NCOA2: variants seen among roughly 807,000 people sequenced by gnomAD.
The protein encoded by NCOA2 is nuclear receptor coactivator 2.
NCOA2 carries 21 observed loss-of-function variants against 145.1 expected under a neutral mutation model. The ratio of observed to expected loss-of-function variants is 0.14; its 90% CI spans 0.10 to 0.21. The LOEUF is 0.21. NCOA2 is among the 10% of genes least tolerant of loss of function. The pLI is 1.00. For synonymous variants in NCOA2, 619 were observed against 637.5 expected (o/e 0.97, Z 0.44); for missense variants, 1,472 against 1,837.6 (o/e 0.80, Z 3.64).
intron 2 of NCOA2, among the ~76,000 whole-genome samples, chr8:70,260,777 C>T (rs554826515): frequency 5.9e-5 from 9 of 152,126 alleles, no homozygotes; most frequent in Non-Finnish European, 1.0e-4. Context: ...GGAATCTATT[C>T]CTTAAAAAAT....
intron 1 of NCOA2, among the ~76,000 whole-genome samples, chr8:70,321,781 T>C (rs895730014): frequency 1.3e-5 from 2 of 149,206 alleles, no homozygotes; most frequent in Non-Finnish European, 3.0e-5. Flanking sequence ...TTTCCTAAGT[T>C]TCAGAATATA....
At position 70,318,398 on chromosome 8, in the gene NCOA2, A is replaced by G. The variant is rs533051536; in HGVS notation, c.-76-21598T>C. On this transcript the variant is annotated intron_variant, in intron 1 of 22. Coordinates refer to ENST00000452400, the MANE Select transcript of NCOA2 (RefSeq NM_006540.4). ...TCCTATGGCTTTTTGTTGCCTCAGC[A>G]TATCTTTTGAATCCTCCTCTGTGGC... Among the ~76,000 whole-genome samples, 10 of 152,308 alleles carry G rather than the reference A, an allele frequency of 6.6e-5. No homozygotes were observed. In the South Asian group the frequency reaches 1.7e-3, roughly 25 times the overall value.
intron 19 of NCOA2, among the ~76,000 whole-genome samples, chr8:70,125,854 C>G (rs891698737): frequency 6.6e-6 from 1 of 152,100 alleles, no homozygotes; most frequent in African/African-American, 2.4e-5. Flanking sequence ...GCACACTTTT[C>G]TAAATCATCA....
chr8:70,419,879 C>G, the NCOA2 span, among the ~76,000 whole-genome samples: 1 of 152,186 alleles, frequency 6.6e-6, no homozygotes, highest in Non-Finnish European at 1.5e-5. Flanking sequence ...TGAATGACGA[C>G]AGTTTTTAAA....
chr8:70,299,082 CAAAA>C (rs995798475), intron 1 of NCOA2, among the ~76,000 whole-genome samples: 2 of 151,280 alleles, frequency 1.3e-5, no homozygotes, highest in Non-Finnish European at 1.5e-5. Flanking sequence ...AACAAACAAA[CAAAA>C]AAAACCAGAA....
intron 3 of NCOA2, among the ~76,000 whole-genome samples, chr8:70,214,389 A>G (rs909256773): frequency 6.6e-6 from 1 of 152,246 alleles, no homozygotes; most frequent in African/African-American, 2.4e-5. Flanking sequence ...GTGGGCACCA[A>G]ATTAGTTGAC....
intron 15 of NCOA2, among the ~76,000 whole-genome samples, chr8:70,137,009 G>C (rs987695357): frequency 3.9e-5 from 6 of 152,246 alleles, no homozygotes; most frequent in Non-Finnish European, 8.8e-5. Flanking sequence ...TGCTAGGGCA[G>C]TGCTGAGTCA....
chr8:70,315,742 T>C (rs1805533326), intron 1 of NCOA2, among the ~76,000 whole-genome samples: 1 of 152,184 alleles, frequency 6.6e-6, no homozygotes, highest in Non-Finnish European at 1.5e-5. Context: ...GGCACCATTC[T>C]CTATAAGAAG....
At chr8:70,320,650 T>C (rs1402476515) in intron 1 of NCOA2, among the ~76,000 whole-genome samples, 1 of 152,078 alleles carries the variant, frequency 6.6e-6, no homozygotes, top group Admixed American at 6.6e-5. Flanking sequence ...TGGCTAAAAT[T>C]GCAAGGAAAT....
chr8:70,207,000 G>A (rs944614866), intron 4 of NCOA2, among the ~76,000 whole-genome samples: 2 of 152,150 alleles, frequency 1.3e-5, no homozygotes, highest in Non-Finnish European at 2.9e-5. Flanking sequence ...CAGTTCCACA[G>A]CTAGTTGTCT....
chr8:70,291,334 A>G (rs1390739938), intron 2 of NCOA2, among the ~76,000 whole-genome samples: 1 of 152,202 alleles, frequency 6.6e-6, no homozygotes, highest in Non-Finnish European at 1.5e-5. Context: ...AAAGATTTAC[A>G]CAAGATATGG....
chr8:70,171,081 GATGC>G (rs2132651446), intron 5 of NCOA2, among the ~76,000 whole-genome samples: 1 of 152,276 alleles, frequency 6.6e-6, no homozygotes, highest in Admixed American at 6.5e-5. Flanking sequence ...TCCAGATTAA[GATGC>G]AGGTTCCTAA....
At chr8:70,135,424 A>C (rs1259609265) in intron 15 of NCOA2, among the ~76,000 whole-genome samples, 1 of 152,208 alleles carries the variant, frequency 6.6e-6, no homozygotes, top group Non-Finnish European at 1.5e-5. Context: ...TAGGTGCAGT[A>C]AGTTTCTAGT....
chr8:70,441,461 GAA>G, the NCOA2 span, among the ~76,000 whole-genome samples: 3 of 138,586 alleles, frequency 2.2e-5, no homozygotes, highest in Admixed American at 7.4e-5. Flanking sequence ...AGAAAGAAAA[GAA>G]AGAGAGAGGG....
At chr8:70,173,348 C>A (rs1283176741) in intron 5 of NCOA2, among the ~76,000 whole-genome samples, 4 of 151,972 alleles carry the variant, frequency 2.6e-5, no homozygotes. Flanking sequence ...AATGAATAAA[C>A]ACATGTATAG....
In NCOA2 at chr8:70,110,778, A is replaced by G; in HGVS notation, c.*2854T>C. 4.4e-6 allele frequency: 1 copy of G among 224,960 alleles called. No homozygotes were observed. Among genetic ancestry groups the G allele is most frequent in the East Asian group, 6.5e-5 (1 of 15,482 alleles). The allele number at this position is 224,960 out of a possible 1,614,324, so 13.9% of individuals were successfully genotyped here. On this transcript the variant is annotated 3_prime_UTR_variant, in exon 23 of 23. Coordinates refer to ENST00000452400, the MANE Select transcript of NCOA2 (RefSeq NM_006540.4). Reference sequence around the variant, plus strand: ...GGCATTTTAATCTTTGAGTCAAACGAATTCATTGTAGTAAAACAGCTCACT... The same window carrying G: ...GGCATTTTAATCTTTGAGTCAAACGGATTCATTGTAGTAAAACAGCTCACT...
chr8:70,403,388 T>A (rs1371476174), intron 1 of NCOA2, among the ~76,000 whole-genome samples: 1 of 150,898 alleles, frequency 6.6e-6, no homozygotes. Flanking sequence ...CCGGGACTCG[T>A]CTCCTGAGCT....
At chr8:70,336,843 A>G (rs1353958732) in intron 1 of NCOA2, among the ~76,000 whole-genome samples, 7 of 152,108 alleles carry the variant, frequency 4.6e-5, no homozygotes, top group Admixed American at 2.6e-4. Flanking sequence ...TTATCCATTC[A>G]TCCACTGATG....
Position 70,196,307 on chromosome 8 carries a change from C to T in NCOA2, c.259+17596G>A, listed in dbSNP as rs982526584. ...ACGAGAATCACTTGAACCTGGGAGG[C>T]GGAGGTTGCAGTGAGCTGAGATCAC... is the stretch of plus-strand genomic sequence containing the variant. On this transcript the variant is annotated intron_variant, in intron 4 of 22. Coordinates refer to ENST00000452400, the MANE Select transcript of NCOA2 (RefSeq NM_006540.4). Among the ~76,000 whole-genome samples, 8 of 152,040 alleles carry T rather than the reference C, an allele frequency of 5.3e-5. No individual in the cohort carries two copies. In the South Asian group the frequency reaches 1.2e-3, roughly 24 times the overall value.
Sources: gnomAD v4.1 joint callset for allele counts (sites outside exome capture counted in the v4.1 genomes callset) on GRCh38, gnomAD v4.1.1 for gene constraint, MANE v1.5 for transcripts, NCBI Gene and HGNC (gene_info 2026-07-23, HGNC 2026-07-21) for gene names.